Variants in FSTL4 observed in about 807,000 individuals in gnomAD.
FSTL4 encodes follistatin-related protein 4.
FSTL4 carries 28 observed loss-of-function variants against 78.2 expected under a neutral mutation model. The observed-to-expected ratio is 0.36, with a 90% CI of 0.27 to 0.49. FSTL4 has a LOEUF of 0.49. FSTL4 is among the 20% of genes least tolerant of loss of function. The pLI is 0.98. For missense variants in FSTL4, 922 were observed against 1,084.9 expected, an observed-to-expected ratio of 0.85 and a Z score of 2.11; for synonymous variants, 422 against 440.5, an observed-to-expected ratio of 0.96 and a Z score of 0.53.
intron 3 of FSTL4, among the ~76,000 whole-genome samples, chr5:133,558,210 A>C (rs916824162): frequency 1.3e-5 from 2 of 152,202 alleles, no homozygotes; most frequent in Admixed American, 1.3e-4. Context: ...TAAGCAACCA[A>C]TAAAACCTCA....
chr5:133,776,776 A>G, the FSTL4 span, among the ~76,000 whole-genome samples: 1 of 152,182 alleles, frequency 6.6e-6, no homozygotes, highest in Admixed American at 6.5e-5. Context: ...ATAGAGGGAA[A>G]CAGAGTTAGC....
chr5:133,246,837 G>A (rs1752050413), intron 7 of FSTL4: 4 of 152,170 alleles, frequency 2.6e-5, no homozygotes, highest in Admixed American at 2.0e-4. Context: ...AGTGATAATA[G>A]CATTTATAGA....
chr5:133,509,995 C>G (rs756499578), intron 3 of FSTL4, among the ~76,000 whole-genome samples: 3 of 152,338 alleles, frequency 2.0e-5, no homozygotes, highest in East Asian at 3.9e-4. Flanking sequence ...ATCTGGTCCA[C>G]TCACTCATAC....
At chr5:133,447,613 C>T (rs1757295322) in intron 3 of FSTL4, among the ~76,000 whole-genome samples, 1 of 152,178 alleles carries the variant, frequency 6.6e-6, no homozygotes, top group Non-Finnish European at 1.5e-5. Flanking sequence ...AATCTCAGCT[C>T]ACTGCAACCT....
chr5:133,765,417 G>A, the FSTL4 span, among the ~76,000 whole-genome samples: 1 of 152,230 alleles, frequency 6.6e-6, no homozygotes, highest in African/African-American at 2.4e-5. Flanking sequence ...CACCCACCAT[G>A]GAGGACAGAA....
chr5:133,684,172 T>C, the FSTL4 span, among the ~76,000 whole-genome samples: 1 of 152,332 alleles, frequency 6.6e-6, no homozygotes. Flanking sequence ...GGAAAGGTCT[T>C]GTTTTCAGTT....
chr5:133,374,634 G>T (rs1755389776), intron 4 of FSTL4, among the ~76,000 whole-genome samples: 1 of 152,056 alleles, frequency 6.6e-6, no homozygotes, highest in South Asian at 2.1e-4. Context: ...ATACTTGGAG[G>T]TGAGGTGTCT....
the FSTL4 span, among the ~76,000 whole-genome samples, chr5:133,771,799 T>G: frequency 6.6e-6 from 1 of 152,200 alleles, no homozygotes; most frequent in Non-Finnish European, 1.5e-5. Flanking sequence ...ATCTCTTTAA[T>G]GTACATCAAG....
intron 3 of FSTL4, among the ~76,000 whole-genome samples, chr5:133,473,919 C>A (rs538442854): frequency 1.3e-3 from 202 of 152,162 alleles, no homozygotes; most frequent in East Asian, 3.9e-4. Context: ...GGGGAGCTGC[C>A]CCCATAATCT....
rs1481781045 is a variant in FSTL4 at position 133,583,332 on chromosome 5, C to G, written c.127-16113G>C. The G allele has an allele frequency of 1.1e-5, 3 of 271,254 alleles. 1 individual carries two copies. The highest frequency in any genetic ancestry group is 1.4e-3 in the Middle Eastern group (2 of 1,480). 16.8% of individuals were successfully genotyped at this position (271,254 alleles called of 1,614,324 possible). A position where few individuals can be genotyped will look rare whatever the true frequency, so the allele number is the denominator to read the frequency against. ...GAATAGGAACAGCTCCGGTCTACAGCTCCCAGCGTGAGCGACGCAGAAGAC... is the reference window on the plus strand; with the variant it reads ...GAATAGGAACAGCTCCGGTCTACAGGTCCCAGCGTGAGCGACGCAGAAGAC... On this transcript the variant is annotated intron_variant, in intron 2 of 15. Coordinates refer to ENST00000265342, the MANE Select transcript of FSTL4 (RefSeq NM_015082.2).
At chr5:133,571,683 C>A (rs1015756190) in intron 2 of FSTL4, among the ~76,000 whole-genome samples, 39 of 152,090 alleles carry the variant, frequency 2.6e-4, no homozygotes, top group Non-Finnish European at 2.9e-5. Context: ...CTCCAAAAAC[C>A]TATTGAAACA....
the FSTL4 span, among the ~76,000 whole-genome samples, chr5:133,677,455 G>A: frequency 6.6e-6 from 1 of 152,194 alleles, no homozygotes; most frequent in Non-Finnish European, 1.5e-5. Flanking sequence ...TTTGCCTCCA[G>A]CTATGAAACC....
intron 4 of FSTL4, among the ~76,000 whole-genome samples, chr5:133,389,254 A>G (rs1050812704): frequency 6.6e-6 from 1 of 152,160 alleles, no homozygotes; most frequent in African/African-American, 2.4e-5. Context: ...GTGTTCAGAC[A>G]GGTCTGTTCA....
At chr5:133,488,110 G>A (rs972591608) in intron 3 of FSTL4, among the ~76,000 whole-genome samples, 1 of 152,162 alleles carries the variant, frequency 6.6e-6, no homozygotes, top group African/African-American at 2.4e-5. Flanking sequence ...TTAAAGGACT[G>A]GAGCTAATTT....
chr5:133,553,668 T>C (rs1167533388), intron 3 of FSTL4, among the ~76,000 whole-genome samples: 1 of 152,198 alleles, frequency 6.6e-6, no homozygotes, highest in Non-Finnish European at 1.5e-5. Context: ...TGGTGGAGGC[T>C]TTAATAACAA....
rs939667304 is a variant in FSTL4, at chr5:133,558,566, G to A, written c.160+8620C>T. Among the ~76,000 whole-genome samples the A allele has an allele frequency of 2.6e-5, 4 of 152,018 alleles. No homozygotes were observed. The South Asian group carries it at 8.3e-4, about 32-fold the overall frequency. ...GCCCATCCTACCTGCTCATTTCTGG[G>A]ACACACGCTCCCTGACTTCCTGGAG... On this transcript the variant is annotated intron_variant, in intron 3 of 15. Transcript: ENST00000265342.
At chr5:133,752,639 T>A in the FSTL4 span, among the ~76,000 whole-genome samples, 1,178 of 150,086 alleles carry the variant, frequency 7.8e-3, 17 homozygotes, top group African/African-American at 0.028. Flanking sequence ...TAAATTAAAT[T>A]AAATTAAATT....
chr5:133,356,727 T>A (rs1425598975), intron 4 of FSTL4, among the ~76,000 whole-genome samples: 1 of 152,234 alleles, frequency 6.6e-6, no homozygotes, highest in East Asian at 1.9e-4. Flanking sequence ...GACCCACCTG[T>A]GTGGTGTGAA....
At chr5:133,539,124 C>T (rs944758312) in intron 3 of FSTL4, among the ~76,000 whole-genome samples, 3 of 152,172 alleles carry the variant, frequency 2.0e-5, no homozygotes, top group Admixed American at 2.0e-4. Context: ...GCCACAGTTA[C>T]AACCTGCCCA....
Sources: allele counts gnomAD v4.1 joint callset (sites outside exome capture counted in the v4.1 genomes callset), GRCh38; gene constraint gnomAD v4.1.1; transcripts MANE v1.5; gene names NCBI Gene and HGNC (gene_info 2026-07-23, HGNC 2026-07-21).